KLC1: variants seen among roughly 807,000 people sequenced by gnomAD.
KLC1 encodes the protein kinesin 2 60/70kDa.
A neutral mutation model predicts 84.2 loss-of-function variants in KLC1; 30 were observed. The ratio of observed to expected loss-of-function variants is 0.36; its 90% confidence interval spans 0.27 to 0.48. KLC1 has a LOEUF of 0.48. Ranked by LOEUF, KLC1 falls within the 20% of genes least tolerant of loss-of-function variation. The probability of loss-of-function intolerance (pLI) is 0.99; values close to 1 mark genes in which losing one functional copy is unlikely to be tolerated. For missense variants in KLC1, 499 were observed against 805.4 expected, an observed-to-expected ratio of 0.62 and a Z score of 4.60; for synonymous variants, 289 against 293.3, an observed-to-expected ratio of 0.99 and a Z score of 0.15.
At chr14:103,676,630 G>C (rs923248083) in intron 11 of KLC1, among the ~76,000 whole-genome samples, 3 of 152,064 alleles carry the variant, frequency 2.0e-5, no homozygotes, top group South Asian at 2.1e-4. Context: ...AAAACTCTCT[G>C]AACTCTCTCT....
Position 103,693,757 on chromosome 14 carries a change from G to A in KLC1, c.1848+1332G>A. On this transcript the variant is annotated intron_variant, in intron 15 of 16. Coordinates refer to ENST00000334553, the MANE Select transcript of KLC1 (RefSeq NM_001394837.1). The surrounding 1 kb of genome is among the most constrained non-coding windows in gnomAD (Gnocchi z 5.1). ...ATAGTGACGTCCACCAACCTTGGAG[G>A]TGCCTTTTCAAAACACCCGGGAGGC... is the stretch of plus-strand genomic sequence containing the variant. 2 of 1,432,864 alleles carry A rather than the reference G, an allele frequency of 1.4e-6. No individual in the cohort carries two copies. Among genetic ancestry groups the A allele is most frequent in the East Asian group, 2.6e-5 (1 of 38,656 alleles). The allele number at this position is 1,432,864 out of a possible 1,614,324, so 88.8% of individuals were successfully genotyped here.
intron 15 of KLC1, chr14:103,699,461 TG>T: frequency 1.2e-6 from 2 of 1,612,910 alleles, no homozygotes; most frequent in Non-Finnish European, 1.7e-6. Flanking sequence ...GGCGGAGGCC[TG>T]GCTGTCAAAT....
intron 13 of KLC1, 95 bp from the exon 14 acceptor site, chr14:103,686,986 C>T (rs1448059634): frequency 2.5e-5 from 22 of 888,514 alleles, no homozygotes; most frequent in East Asian, 1.2e-4. Context: ...GCAAGCAGGG[C>T]GGCCTTGGTG....
chr14:103,691,730 A>G (rs1307558995), intron 14 of KLC1, among the ~76,000 whole-genome samples: 2 of 151,758 alleles, frequency 1.3e-5, no homozygotes, highest in Non-Finnish European at 2.9e-5. Flanking sequence ...CAGCCTCCCA[A>G]AGATTACAGG....
At chr14:103,658,183 C>T (rs919833706) in intron 3 of KLC1, among the ~76,000 whole-genome samples, 3 of 152,182 alleles carry the variant, frequency 2.0e-5, no homozygotes, top group Non-Finnish European at 4.4e-5. Flanking sequence ...GCTCTCTTGC[C>T]GCCTCTCTCA....
chr14:103,675,508 T>G, intron 9 of KLC1, 44 bp from the exon 10 acceptor site: 2 of 1,563,864 alleles, frequency 1.3e-6, no homozygotes, highest in East Asian at 4.5e-5. Flanking sequence ...TTTGGAGTTT[T>G]GGATTAAGGA....
intron 1 of KLC1, among the ~76,000 whole-genome samples, chr14:103,632,846 G>T (rs1349547718): frequency 6.6e-6 from 1 of 152,096 alleles, no homozygotes; most frequent in Non-Finnish European, 1.5e-5. Context: ...CTTCACAAAA[G>T]AAAAGTACCA....
intron 7 of KLC1, among the ~76,000 whole-genome samples, chr14:103,672,032 C>T (rs977626251): frequency 6.6e-6 from 1 of 152,186 alleles, no homozygotes; most frequent in African/African-American, 2.4e-5. Flanking sequence ...CCCACTAGGA[C>T]ACAGTCCACT....
In KLC1 at chr14:103,694,024, T is replaced by TA. The variant is rs1042252594; in HGVS notation, c.1848+1602dup. The TA allele has an allele frequency of 3.9e-5, 40 of 1,017,192 alleles. No homozygotes were observed. Among genetic ancestry groups the TA allele is most frequent in the Non-Finnish European group, 4.7e-5 (40 of 850,020 alleles). The allele number at this position is 1,017,192 out of a possible 1,614,324, so 63.0% of individuals were successfully genotyped here. On this transcript the variant is annotated intron_variant, in intron 15 of 16. Transcript: ENST00000334553. The surrounding 1 kb of genome is among the most constrained non-coding windows in gnomAD (Gnocchi z 4.5). The stretch of plus-strand genomic sequence containing the variant: ...GCTGTAAATTAAGAATCTGGAAACA[T>TA]AAAGTACCCCTTTCAGAACGATAGG...
At chr14:103,675,416 T>C in intron 9 of KLC1, 136 bp from the exon 10 acceptor site, 1 of 643,616 alleles carries the variant, frequency 1.6e-6, no homozygotes, top group Non-Finnish European at 2.8e-6. Flanking sequence ...AAATATCCCA[T>C]TATTCAAAGT....
chr14:103,652,124 T>TC (rs2078497312), intron 1 of KLC1, among the ~76,000 whole-genome samples: 1 of 152,230 alleles, frequency 6.6e-6, no homozygotes, highest in African/African-American at 2.4e-5. Flanking sequence ...ATATAATACA[T>TC]AAATACTTTG....
At chr14:103,638,340 G>C (rs567044088) in intron 1 of KLC1, among the ~76,000 whole-genome samples, 3 of 152,100 alleles carry the variant, frequency 2.0e-5, no homozygotes, top group Admixed American at 1.3e-4. Context: ...TGTGCACCCA[G>C]ACCTATTGCT....
Position 103,698,935 on chromosome 14 carries a change from G to A in KLC1, c.1849-1720G>A, listed in dbSNP as rs751449355. On this transcript the variant is annotated intron_variant, in intron 15 of 16. Coordinates refer to ENST00000334553, the MANE Select transcript of KLC1 (RefSeq NM_001394837.1). ...CAGCCGAGGGCAGCCTCTTCCTCGC[G>A]GAGCCGGTCAGCCAGCAGTCTCACC... is the stretch of plus-strand genomic sequence containing the variant. The A allele has an allele frequency of 1.4e-5, 23 of 1,600,566 alleles. No individual in the cohort carries two copies. The Admixed American group carries it at 2.4e-4, about 17-fold the overall frequency.
chr14:103,701,367 C>A lies in KLC1; in HGVS notation c.*168C>A. The A allele has an allele frequency of 1.4e-6, 1 of 700,842 alleles. No homozygotes were observed. Among genetic ancestry groups the A allele is most frequent in the Non-Finnish European group, 2.3e-6 (1 of 439,940 alleles). 43.4% of individuals were successfully genotyped at this position (700,842 alleles called of 1,614,324 possible). On this transcript the variant is annotated 3_prime_UTR_variant, in exon 17 of 17. Coordinates refer to ENST00000334553, the MANE Select transcript of KLC1 (RefSeq NM_001394837.1). ...ATGATACTAATAACCACACGGCTGG[C>A]GTGACCTTGGGGCTGGGGCTGGGCC...
At chr14:103,636,788 T>C (rs2151294807) in intron 1 of KLC1, among the ~76,000 whole-genome samples, 1 of 152,170 alleles carries the variant, frequency 6.6e-6, no homozygotes, top group East Asian at 1.9e-4. Context: ...AGTGGCGCGA[T>C]CTCGGCTCAC....
intron 1 of KLC1, among the ~76,000 whole-genome samples, chr14:103,633,992 C>CCAAGTA (rs1326293695): frequency 1.3e-5 from 2 of 152,136 alleles, no homozygotes; most frequent in Non-Finnish European, 2.9e-5. Flanking sequence ...CCTCAGCCTC[C>CCAAGTA]CAAGTAGTTG....
intron 5 of KLC1, among the ~76,000 whole-genome samples, chr14:103,664,241 T>G (rs1305672767): frequency 6.6e-6 from 1 of 152,170 alleles, no homozygotes; most frequent in East Asian, 1.9e-4. Flanking sequence ...AACCTCTGCT[T>G]CCTGAGTTCA....
intron 15 of KLC1, chr14:103,698,584 C>T: frequency 1.7e-6 from 1 of 603,168 alleles, no homozygotes; most frequent in Non-Finnish European, 3.0e-6. Flanking sequence ...GGGCCTGTCC[C>T]CAGACCCAGG....
intron 15 of KLC1, chr14:103,696,830 G>A: frequency 3.0e-6 from 3 of 985,442 alleles, no homozygotes; most frequent in Non-Finnish European, 3.6e-6. Context: ...CATGGCCCTG[G>A]CCTGGAACTG....
Sources: allele counts gnomAD v4.1 joint callset (sites outside exome capture counted in the v4.1 genomes callset), GRCh38; gene constraint gnomAD v4.1.1; non-coding constraint Gnocchi (gnomAD v3.1); transcripts MANE v1.5; gene names NCBI Gene and HGNC (gene_info 2026-07-23, HGNC 2026-07-21).